PTK2B: variants seen among roughly 807,000 people sequenced by gnomAD.
PTK2B encodes the protein protein-tyrosine kinase 2-beta.
Under a neutral mutation model 142.9 loss-of-function variants are expected in PTK2B, and 71 were observed. That is an observed-to-expected ratio of 0.50 (90% confidence interval 0.41 to 0.61). The LOEUF (loss-of-function observed/expected upper bound fraction) is 0.61, where lower values mean the gene tolerates loss of function less well. Ranked by LOEUF, PTK2B falls within the 20% of genes least tolerant of loss-of-function variation. The pLI is 0.00. For synonymous variants in PTK2B, 519 were observed against 503.4 expected, an observed-to-expected ratio of 1.03 and a Z score of -0.42; for missense variants, 1,105 against 1,320.4, an observed-to-expected ratio of 0.84 and a Z score of 2.53.
chr8:27,411,099 C>T (rs3757906), intron 2 of PTK2B, among the ~76,000 whole-genome samples: 35,627 of 152,106 alleles, frequency 0.23, 4,297 homozygotes, highest in Middle Eastern at 0.36. Context: ...AATCATGGCA[C>T]ATATGGCAAT....
At chr8:27,311,280 C>A, upstream of PTK2B, 9 of 1,452,486 alleles carry the variant, frequency 6.2e-6, no homozygotes, top group Non-Finnish European at 8.2e-6. Flanking sequence ...TGCTCCGGCC[C>A]CTCCCACCCG....
At chr8:27,361,806 G>T (rs1456860694) in intron 1 of PTK2B, among the ~76,000 whole-genome samples, 1 of 152,088 alleles carries the variant, frequency 6.6e-6, no homozygotes, top group Non-Finnish European at 1.5e-5. Flanking sequence ...TATGTGGATG[G>T]ACTAGGCTGT....
chr8:27,318,030 A>G (rs117481356), intron 3 of PTK2B, among the ~76,000 whole-genome samples: 1 of 152,330 alleles, frequency 6.6e-6, no homozygotes, highest in East Asian at 1.9e-4. Flanking sequence ...AGAACGTAAT[A>G]TAAATCATAC....
intron 20 of PTK2B, 96 bp downstream of exon 20, chr8:27,439,494 C>A: frequency 7.7e-7 from 1 of 1,299,082 alleles, no homozygotes; most frequent in Non-Finnish European, 1.1e-6. Context: ...GTCTGACCTC[C>A]ACCCTCCGTT....
At chr8:27,402,410 G>A (rs1191697596) in intron 2 of PTK2B, among the ~76,000 whole-genome samples, 1 of 152,218 alleles carries the variant, frequency 6.6e-6, no homozygotes, top group African/African-American at 2.4e-5. Context: ...TGGAAATGCT[G>A]AGTAGATCCT....
chr8:27,338,947 CTTTA>C (rs1431065489), intron 1 of PTK2B, among the ~76,000 whole-genome samples: 1 of 152,192 alleles, frequency 6.6e-6, no homozygotes, highest in East Asian at 1.9e-4. Flanking sequence ...ATCTTTCCCT[CTTTA>C]TTTAGGATTT....
intron 2 of PTK2B, among the ~76,000 whole-genome samples, chr8:27,404,649 T>C (rs1355194865): frequency 6.6e-6 from 1 of 152,160 alleles, no homozygotes; most frequent in Non-Finnish European, 1.5e-5. Flanking sequence ...CCACCACCCG[T>C]GTGCATTCAG....
chr8:27,359,324 C>A (rs1805563226), intron 1 of PTK2B, among the ~76,000 whole-genome samples: 1 of 152,140 alleles, frequency 6.6e-6, no homozygotes, highest in Admixed American at 6.6e-5. Flanking sequence ...CCATATTGGC[C>A]AGGCTGGTCT....
At chr8:27,362,615 G>A (rs1216037644) in intron 1 of PTK2B, among the ~76,000 whole-genome samples, 1 of 128,032 alleles carries the variant, frequency 7.8e-6, no homozygotes, top group Non-Finnish European at 1.6e-5. Flanking sequence ...CCTGACCCCA[G>A]CAGTGTTTTC....
At chr8:27,311,031 G>A (rs1372536210), upstream of PTK2B, 1 of 1,605,044 alleles carries the variant, frequency 6.2e-7, no homozygotes, top group African/African-American at 1.3e-5. Context: ...TTGGTGCGCA[G>A]GTCGGCGGGT....
chr8:27,331,032 C>G (rs1020875364), intron 1 of PTK2B, among the ~76,000 whole-genome samples: 1 of 152,178 alleles, frequency 6.6e-6, no homozygotes, highest in African/African-American at 2.4e-5. Context: ...CTCTCCAGTT[C>G]TCTCTCTTCC....
chr8:27,315,942 G>A (rs571947231), intron 3 of PTK2B, among the ~76,000 whole-genome samples: 1 of 152,102 alleles, frequency 6.6e-6, no homozygotes, highest in Non-Finnish European at 1.5e-5. Context: ...CATATGGTGG[G>A]GGGGTGGGTA....
chr8:27,354,797 G>A (rs1008351836), intron 1 of PTK2B, among the ~76,000 whole-genome samples: 1 of 152,086 alleles, frequency 6.6e-6, no homozygotes, highest in African/African-American at 2.4e-5. Flanking sequence ...CTGCTTGTAG[G>A]ATCTCACCAA....
intron 1 of PTK2B, among the ~76,000 whole-genome samples, chr8:27,345,611 A>G (rs1015752236): frequency 2.6e-5 from 4 of 152,158 alleles, no homozygotes; most frequent in African/African-American, 9.7e-5. Context: ...CCTGGGAAGT[A>G]CTTGCCTTCC....
At chr8:27,361,991 C>T (rs1805738351) in intron 1 of PTK2B, among the ~76,000 whole-genome samples, 2 of 152,190 alleles carry the variant, frequency 1.3e-5, no homozygotes, top group South Asian at 2.1e-4. Context: ...GGTGATGCAC[C>T]GATCGTGCCC....
At chr8:27,376,468 G>A (rs1388740100) in intron 1 of PTK2B, among the ~76,000 whole-genome samples, 2 of 152,206 alleles carry the variant, frequency 1.3e-5, no homozygotes, top group Non-Finnish European at 2.9e-5. Context: ...ATGTGAACCA[G>A]AGCAACTCCA....
At chr8:27,310,607 G>C (rs571860033), upstream of PTK2B, among the ~76,000 whole-genome samples, 2 of 152,390 alleles carry the variant, frequency 1.3e-5, no homozygotes, top group South Asian at 4.1e-4. Flanking sequence ...TCTTCTCCCA[G>C]CACGGGCCCC....
At chr8:27,421,470 C>T (rs1324684759) in intron 4 of PTK2B, among the ~76,000 whole-genome samples, 2 of 152,220 alleles carry the variant, frequency 1.3e-5, no homozygotes, top group Admixed American at 1.3e-4. Flanking sequence ...CCCCTTCCCA[C>T]TCTTTCCCCA....
intron 27 of PTK2B, chr8:27,452,816 G>A (rs555218406): frequency 1.1e-4 from 58 of 512,956 alleles, no homozygotes; most frequent in African/African-American, 9.9e-4. Context: ...TGTTCCTTAG[G>A]CCTGGTGTCC....
Sources: allele counts gnomAD v4.1 joint callset (sites outside exome capture counted in the v4.1 genomes callset), GRCh38; gene constraint gnomAD v4.1.1; transcripts MANE v1.5; gene names NCBI Gene and HGNC (gene_info 2026-07-23, HGNC 2026-07-21).